Variants in ATP8A2 observed in about 807,000 individuals in gnomAD.
ATP8A2 encodes ATPase phospholipid transporting 8A2.
Under a neutral mutation model 165.6 loss-of-function variants are expected in ATP8A2, and 100 were observed. The observed-to-expected ratio is 0.60, with a 90% CI of 0.51 to 0.71. The LOEUF (loss-of-function observed/expected upper bound fraction) is 0.71. Among genes scored for constraint, ATP8A2 ranks in the 30% least tolerant of loss-of-function variants. The pLI, the probability that ATP8A2 is intolerant of heterozygous loss-of-function variation, is 0.00. For synonymous variants in ATP8A2, 543 were observed against 548.8 expected, an observed-to-expected ratio of 0.99 and a Z score of 0.15; for missense variants, 1,227 against 1,479.5, an observed-to-expected ratio of 0.83 and a Z score of 2.80.
intron 35 of ATP8A2, among the ~76,000 whole-genome samples, chr13:25,984,231 C>T (rs188954227): frequency 6.9e-6 from 1 of 145,546 alleles, no homozygotes; most frequent in African/African-American, 2.5e-5. Context: ...AGCAAGAAAC[C>T]GTCTCAAAAA....
intron 25 of ATP8A2, among the ~76,000 whole-genome samples, chr13:25,704,660 GT>G (rs2043019821): frequency 6.6e-6 from 1 of 152,074 alleles, no homozygotes; most frequent in East Asian, 1.9e-4. Flanking sequence ...AGCAAGCATG[GT>G]TTTATATCTA....
At chr13:25,896,086 T>G (rs1325154394) in intron 33 of ATP8A2, among the ~76,000 whole-genome samples, 5 of 152,234 alleles carry the variant, frequency 3.3e-5, no homozygotes, top group African/African-American at 4.8e-5. Flanking sequence ...CTTTTGAATG[T>G]GTTTTCCTTG....
Position 26,025,836 on chromosome 13 carries a change from T to C in ATP8A2, c.*5851T>C, listed in dbSNP as rs1002849350. On this transcript the variant is annotated 3_prime_UTR_variant, in exon 37 of 37. Coordinates refer to ENST00000381655, the MANE Select transcript of ATP8A2 (RefSeq NM_016529.6). ...TCTGCGCAAACCTGTTTCAAATAAATCTTTTGTTAAAGTAAGTGATTGGAC... is the reference window on the plus strand; with the variant it reads ...TCTGCGCAAACCTGTTTCAAATAAACCTTTTGTTAAAGTAAGTGATTGGAC... The C allele has an allele frequency of 6.6e-6, 1 of 152,236 alleles. No homozygotes were observed. 9.4% of individuals were successfully genotyped at this position (152,236 alleles called of 1,614,324 possible). A position where few individuals can be genotyped will look rare whatever the true frequency, so the allele number is the denominator to read the frequency against.
chr13:25,379,194 A>G (rs2032747754), intron 1 of ATP8A2, among the ~76,000 whole-genome samples: 1 of 152,194 alleles, frequency 6.6e-6, no homozygotes, highest in African/African-American at 2.4e-5. Context: ...CACACATTGC[A>G]GGGAAGCATT....
intron 27 of ATP8A2, among the ~76,000 whole-genome samples, chr13:25,816,570 A>G (rs1951024471): frequency 6.6e-6 from 1 of 152,174 alleles, no homozygotes; most frequent in African/African-American, 2.4e-5. Flanking sequence ...ACTTTTCTGC[A>G]CTTCAGATAC....
chr13:25,950,265 G>A (rs1356102139), intron 33 of ATP8A2, among the ~76,000 whole-genome samples: 1 of 152,162 alleles, frequency 6.6e-6, no homozygotes, highest in East Asian at 1.9e-4. Flanking sequence ...TTTACATCCA[G>A]ATAACAGCTT....
chr13:25,720,167 C>CTTTTTTTTTTTTCT (rs2043344597), intron 25 of ATP8A2, among the ~76,000 whole-genome samples: 1 of 117,288 alleles, frequency 8.5e-6, no homozygotes, highest in African/African-American at 3.8e-5. Flanking sequence ...TATACTTTTT[C>CTTTTTTTTTTTTCT]TTTTTTTTTT....
chr13:25,800,238 G>A (rs1950592717), intron 27 of ATP8A2, among the ~76,000 whole-genome samples: 1 of 152,220 alleles, frequency 6.6e-6, no homozygotes, highest in Non-Finnish European at 1.5e-5. Context: ...TGCATATGCT[G>A]CATCTATAAT....
intron 34 of ATP8A2, among the ~76,000 whole-genome samples, chr13:25,963,195 A>C (rs1174902823): frequency 6.6e-6 from 1 of 152,094 alleles, no homozygotes; most frequent in Admixed American, 6.5e-5. Context: ...AGCAGTCAAG[A>C]CCATCCTGGC....
chr13:25,879,066 C>T (rs1386439662), intron 33 of ATP8A2, among the ~76,000 whole-genome samples: 3 of 152,130 alleles, frequency 2.0e-5, no homozygotes, highest in South Asian at 4.1e-4. Flanking sequence ...GGCATGTGGA[C>T]GGGGCAGGAG....
At chr13:25,678,893 CATGCTA>C (rs888678761) in intron 24 of ATP8A2, among the ~76,000 whole-genome samples, 2 of 152,112 alleles carry the variant, frequency 1.3e-5, no homozygotes, top group African/African-American at 4.8e-5. Flanking sequence ...TAAGCTGTAA[CATGCTA>C]CAAAAATGCA....
At chr13:25,572,160 G>A (rs1443546754) in intron 18 of ATP8A2, among the ~76,000 whole-genome samples, 1 of 151,690 alleles carries the variant, frequency 6.6e-6, no homozygotes, top group Non-Finnish European at 1.5e-5. Context: ...TTTGAGACAG[G>A]GTCTCACTCT....
At chr13:25,404,733 G>A (rs2033745852) in intron 1 of ATP8A2, among the ~76,000 whole-genome samples, 1 of 152,080 alleles carries the variant, frequency 6.6e-6, no homozygotes, top group Non-Finnish European at 1.5e-5. Flanking sequence ...TGGCTGTGCT[G>A]ATTGAGGTGT....
At chr13:25,753,404 C>G (rs1287487987) in intron 25 of ATP8A2, among the ~76,000 whole-genome samples, 1 of 152,226 alleles carries the variant, frequency 6.6e-6, no homozygotes, top group Non-Finnish European at 1.5e-5. Flanking sequence ...TTGGCTTCCT[C>G]TCCCTTTGTT....
chr13:25,816,579 A>T (rs2138544335), intron 27 of ATP8A2, among the ~76,000 whole-genome samples: 1 of 152,330 alleles, frequency 6.6e-6, no homozygotes, highest in African/African-American at 2.4e-5. Context: ...CACTTCAGAT[A>T]CGTCCCATGC....
chr13:25,582,102 C>T, intron 23 of ATP8A2, 145 bp downstream of exon 23: 1 of 812,320 alleles, frequency 1.2e-6, no homozygotes, highest in Non-Finnish European at 1.9e-6. Context: ...GGAAAATTGA[C>T]CTAAATCAAA....
At chr13:25,908,605 A>G (rs961544870) in intron 33 of ATP8A2, among the ~76,000 whole-genome samples, 16 of 152,356 alleles carry the variant, frequency 1.1e-4, no homozygotes, top group Admixed American at 9.8e-4. Context: ...CATGGCTGCT[A>G]CAGTTGCTGA....
At chr13:25,957,404 TAAAC>T (rs1828832347) in intron 33 of ATP8A2, among the ~76,000 whole-genome samples, 1 of 152,148 alleles carries the variant, frequency 6.6e-6, no homozygotes, top group African/African-American at 2.4e-5. Context: ...ACAAGGAACT[TAAAC>T]AAATTTACAA....
At chr13:25,901,119 C>T (rs1340966355) in intron 33 of ATP8A2, among the ~76,000 whole-genome samples, 4 of 152,136 alleles carry the variant, frequency 2.6e-5, no homozygotes, top group Non-Finnish European at 5.9e-5. Context: ...GGAGGCCAAG[C>T]AACTGGCTAA....
Sources: gnomAD v4.1 joint callset for allele counts (sites outside exome capture counted in the v4.1 genomes callset) on GRCh38, gnomAD v4.1.1 for gene constraint, MANE v1.5 for transcripts, NCBI Gene and HGNC (gene_info 2026-07-23, HGNC 2026-07-21) for gene names.